DGLUCY: variants seen among roughly 807,000 people sequenced by gnomAD.
DGLUCY encodes D-glutamate cyclase, also known as D-glutamate cyclase, mitochondrial.
DGLUCY carries 58 observed loss-of-function variants against 58.5 expected under a neutral mutation model. The ratio of observed to expected loss-of-function variants is 0.99; its 90% confidence interval spans 0.80 to 1.23. The LOEUF (loss-of-function observed/expected upper bound fraction) is 1.23, where lower values mean the gene tolerates loss of function less well. DGLUCY is among the 50% of genes most tolerant of loss of function. The pLI is 0.00. For synonymous variants in DGLUCY, 325 were observed against 314.1 expected (o/e 1.03, Z -0.37); for missense variants, 779 against 784.7 (o/e 0.99, Z 0.09).
chr14:91,187,251 G>A (rs2049579821), intron 8 of DGLUCY, among the ~76,000 whole-genome samples: 1 of 152,114 alleles, frequency 6.6e-6, no homozygotes, highest in Non-Finnish European at 1.5e-5. Flanking sequence ...ACCCACCTCA[G>A]GCTCCCAAAG....
chr14:91,187,428 G>C (rs2140491598), intron 8 of DGLUCY, among the ~76,000 whole-genome samples: 1 of 152,304 alleles, frequency 6.6e-6, no homozygotes, highest in Admixed American at 6.5e-5. Context: ...GCCTTCGCGT[G>C]CACTGTTTTG....
At chr14:91,160,768 A>G (rs2047937382) in intron 3 of DGLUCY, among the ~76,000 whole-genome samples, 1 of 151,962 alleles carries the variant, frequency 6.6e-6, no homozygotes, top group Admixed American at 6.6e-5. Flanking sequence ...AATTCTTCCT[A>G]CCCTTGACTG....
intron 1 of DGLUCY, among the ~76,000 whole-genome samples, chr14:91,095,346 G>T (rs1595635388): frequency 6.6e-6 from 1 of 152,326 alleles, no homozygotes; most frequent in East Asian, 1.9e-4. Context: ...GGTTCTCAGG[G>T]TCGGCAGAGG....
intron 11 of DGLUCY, among the ~76,000 whole-genome samples, chr14:91,201,371 T>C (rs1298496134): frequency 6.6e-6 from 1 of 151,818 alleles, no homozygotes; most frequent in African/African-American, 2.4e-5. Context: ...CAATCTCGGC[T>C]CACTGCAACC....
At chr14:91,204,387 T>C (rs1290896284) in intron 11 of DGLUCY, among the ~76,000 whole-genome samples, 2 of 151,962 alleles carry the variant, frequency 1.3e-5, no homozygotes, top group African/African-American at 4.8e-5. Flanking sequence ...GGAAGGGAGG[T>C]CCTGAGTGTC....
At chr14:91,062,602 T>C (rs1566925702) in intron 1 of DGLUCY, among the ~76,000 whole-genome samples, 4 of 34,250 alleles carry the variant, frequency 1.2e-4, no homozygotes, top group Non-Finnish European at 1.5e-4. Context: ...TATATATATA[T>C]ATATATATAA....
intron 12 of DGLUCY, among the ~76,000 whole-genome samples, chr14:91,209,042 A>C (rs56777659): frequency 0.19 from 28,874 of 151,938 alleles, 3,029 homozygotes; most frequent in Non-Finnish European, 0.23. Context: ...GGCCAGGCGC[A>C]GTGGCTCACA....
In DGLUCY at chr14:91,184,004, C is replaced by T. The variant is rs59654369; in HGVS notation, c.934+2615C>T. ...GAGAAGGCATATGTGGCCTCCCCAC[C>T]GGCCCACCTGACTCTCATTCCCCAG... On this transcript the variant is annotated intron_variant, in intron 8 of 13. Transcript: ENST00000256324. 9.6e-3 allele frequency among the ~76,000 whole-genome samples: 1,463 copies of T among 151,926 alleles called. 23 individuals carry two copies. The highest frequency in any genetic ancestry group is 0.033 in the African/African-American group (1,375 of 41,434).
At chr14:91,131,263 A>G (rs1595713003) in intron 1 of DGLUCY, among the ~76,000 whole-genome samples, 1 of 152,168 alleles carries the variant, frequency 6.6e-6, no homozygotes, top group African/African-American at 2.4e-5. Flanking sequence ...ATATGCTTGT[A>G]TATCTACTTG....
At chr14:91,189,382 CT>C (rs1434838448) in intron 9 of DGLUCY, among the ~76,000 whole-genome samples, 1 of 152,228 alleles carries the variant, frequency 6.6e-6, no homozygotes, top group East Asian at 1.9e-4. Context: ...GGAATTTGAA[CT>C]TGGGTCCACC....
At chr14:91,072,926 A>G (rs2043948052) in intron 1 of DGLUCY, among the ~76,000 whole-genome samples, 1 of 151,770 alleles carries the variant, frequency 6.6e-6, no homozygotes. Flanking sequence ...TGAGAATGGC[A>G]TGAACCCGGC....
chr14:91,111,966 C>A (rs1273114379), upstream of DGLUCY, among the ~76,000 whole-genome samples: 1 of 152,058 alleles, frequency 6.6e-6, no homozygotes, highest in African/African-American at 2.4e-5. Flanking sequence ...GGCCTGGCAC[C>A]GTGGCTCACG....
At chr14:91,114,399 A>C (rs975896649) in intron 1 of DGLUCY, 116 bp downstream of exon 1, 6 of 152,244 alleles carry the variant, frequency 3.9e-5, no homozygotes, top group Non-Finnish European at 5.9e-5. Flanking sequence ...ACCCCAGGAC[A>C]ATGGCAGGGC....
intron 1 of DGLUCY, among the ~76,000 whole-genome samples, chr14:91,071,896 A>T (rs1251089150): frequency 6.6e-6 from 1 of 152,034 alleles, no homozygotes; most frequent in African/African-American, 2.4e-5. Context: ...AAATGTAAAC[A>T]TTCCAAACTC....
chr14:91,182,160 T>C (rs1394762937), intron 8 of DGLUCY, among the ~76,000 whole-genome samples: 1 of 152,028 alleles, frequency 6.6e-6, no homozygotes, highest in Non-Finnish European at 1.5e-5. Flanking sequence ...TTTGTATTTT[T>C]AGTAGAGTCG....
chr14:91,079,053 G>A (rs936808253), intron 1 of DGLUCY, among the ~76,000 whole-genome samples: 4 of 151,672 alleles, frequency 2.6e-5, no homozygotes, highest in South Asian at 4.2e-4. Context: ...ACAGGCACCC[G>A]CCACCATGCC....
At chr14:91,088,787 C>A (rs1378235820) in intron 1 of DGLUCY, among the ~76,000 whole-genome samples, 2 of 152,202 alleles carry the variant, frequency 1.3e-5, no homozygotes, top group Non-Finnish European at 2.9e-5. Flanking sequence ...CCAGAGTCAC[C>A]CCCAGGGACG....
At chr14:91,126,467 T>C in intron 1 of DGLUCY, 1 of 228,980 alleles carries the variant, frequency 4.4e-6, no homozygotes, top group Non-Finnish European at 9.2e-6. Flanking sequence ...GCCTCCTCTG[T>C]TTACAACACA....
chr14:91,140,102 G>C (rs2046569348), intron 1 of DGLUCY, among the ~76,000 whole-genome samples: 1 of 152,236 alleles, frequency 6.6e-6, no homozygotes, highest in African/African-American at 2.4e-5. Context: ...ATTCTTGCAT[G>C]ACTCAGCTTT....
Sources: gnomAD v4.1 joint callset for allele counts (sites outside exome capture counted in the v4.1 genomes callset) on GRCh38, gnomAD v4.1.1 for gene constraint, MANE v1.5 for transcripts, NCBI Gene and HGNC (gene_info 2026-07-23, HGNC 2026-07-21) for gene names.